CACNA1B: variants seen among roughly 807,000 people sequenced by gnomAD.
The protein encoded by CACNA1B is voltage-dependent N-type calcium channel subunit alpha-1B.
Under a neutral mutation model 247.2 loss-of-function variants are expected in CACNA1B, and 70 were observed. The ratio of observed to expected loss-of-function variants is 0.28; its 90% CI spans 0.23 to 0.35. The LOEUF (loss-of-function observed/expected upper bound fraction) is 0.35, where lower values mean the gene tolerates loss of function less well. Among genes scored for constraint, CACNA1B ranks in the 10% least tolerant of loss-of-function variants. CACNA1B has a pLI of 1.00. For synonymous variants in CACNA1B, 1,231 were observed against 1,294.4 expected, an observed-to-expected ratio of 0.95 and a Z score of 1.05; for missense variants, 2,367 against 3,197.4, an observed-to-expected ratio of 0.74 and a Z score of 6.26.
intron 38 of CACNA1B, among the ~76,000 whole-genome samples, chr9:138,104,456 C>T (rs1049628118): frequency 2.0e-5 from 3 of 152,242 alleles, no homozygotes; most frequent in African/African-American, 4.8e-5. Flanking sequence ...TGCAGGGATG[C>T]CATTCTCCGG....
Position 137,881,263 on chromosome 9 carries a change from C to T in CACNA1B, c.391-1481C>T, listed in dbSNP as rs1229793639. ...GCCAGGAAGAGCATGGGCGAGTCAGCACGGGTCATGATGGACCCTTGGGTG... is the reference window on the plus strand; with the variant it reads ...GCCAGGAAGAGCATGGGCGAGTCAGTACGGGTCATGATGGACCCTTGGGTG... On this transcript the variant is annotated intron_variant, in intron 2 of 46. Transcript: ENST00000371372. The surrounding 1 kb of genome is among the most constrained non-coding windows in gnomAD (Gnocchi z 4.3). Among the ~76,000 whole-genome samples the T allele has an allele frequency of 6.6e-6, 1 of 152,184 alleles. No homozygotes were observed. The highest frequency in any genetic ancestry group is 1.5e-5 in the Non-Finnish European group (1 of 68,020).
rs747129691 is a variant in CACNA1B, at chr9:138,043,866, T to C, written c.3379T>C (p.Tyr1127His). 2 of 1,613,878 alleles carry C rather than the reference T, an allele frequency of 1.2e-6. No individual in the cohort carries two copies. The highest frequency in any genetic ancestry group is 2.7e-5 in the African/African-American group (2 of 74,928). ...GAGCGGCCCCCGGCCTATCGTCCCA[T>C]ACAGCTCCATGTTCTGTTTAAGCCC... ...MRSGPRPIVP[Y>H]SSMFCLSPTN... The change falls in exon 21 of 47, where the codon TAC becomes CAC. Residue 1127 changes from tyrosine (Y) to histidine (H), a missense_variant. Coordinates refer to ENST00000371372, the MANE Select transcript of CACNA1B (RefSeq NM_000718.4).
At position 138,054,540 on chromosome 9, in the gene CACNA1B, C is replaced by T. The variant is rs957010269; in HGVS notation, c.3968+534C>T. The stretch of plus-strand genomic sequence containing the variant: ...AGTACCCACAGTGTCTTCCTGCCCA[C>T]GCGGCAGCGTCCCAGCTGCTTCTGT... On this transcript the variant is annotated intron_variant, in intron 26 of 46. Transcript: ENST00000371372. This position sits in a 1 kb window ranked among gnomAD's most constrained non-coding sequence, Gnocchi z 4.6. 2.6e-5 allele frequency among the ~76,000 whole-genome samples: 4 copies of T among 152,252 alleles called. No individual in the cohort carries two copies. The highest frequency in any genetic ancestry group is 2.1e-4 in the South Asian group (1 of 4,834).
chr9:137,989,201 T>C (rs1466872705), intron 15 of CACNA1B, among the ~76,000 whole-genome samples: 1 of 152,066 alleles, frequency 6.6e-6, no homozygotes, highest in Non-Finnish European at 1.5e-5. Context: ...CACAAAATTA[T>C]GAAAAAAGGC....
At chr9:138,066,511 A>G (rs1959922050) in intron 31 of CACNA1B, among the ~76,000 whole-genome samples, 1 of 152,130 alleles carries the variant, frequency 6.6e-6, no homozygotes, top group Non-Finnish European at 1.5e-5. Context: ...AAGGAGAGAG[A>G]CAAGTGCTGC....
chr9:137,899,357 C>A lies in CACNA1B; in HGVS notation c.531-13823C>A, dbSNP rs1174884659. On this transcript the variant is annotated intron_variant, in intron 3 of 46. Transcript: ENST00000371372. The surrounding 1 kb of genome is among the most constrained non-coding windows in gnomAD (Gnocchi z 5.0). ...ATCCACCTGTCTTGGCCTCCCAAAGCGCTGGGATTGGGATATGCTTTCTTA... is the reference window on the plus strand; with the variant it reads ...ATCCACCTGTCTTGGCCTCCCAAAGAGCTGGGATTGGGATATGCTTTCTTA... Among the ~76,000 whole-genome samples the A allele has an allele frequency of 6.6e-6, 1 of 151,986 alleles. No individual in the cohort carries two copies. The highest frequency in any genetic ancestry group is 1.9e-4 in the East Asian group (1 of 5,186).
chr9:138,071,023 GTGGTCTTGGATACAGGGGATGC>G (rs1960114528), intron 32 of CACNA1B, among the ~76,000 whole-genome samples: 1 of 152,260 alleles, frequency 6.6e-6, no homozygotes, highest in Non-Finnish European at 1.5e-5. Context: ...AGAGGCCGTG[GTGGTCTTGGATACAGGGGATGC>G]TGGTCTTGGT....
intron 39 of CACNA1B, among the ~76,000 whole-genome samples, chr9:138,109,679 C>T (rs962889423): frequency 3.3e-5 from 5 of 152,202 alleles, no homozygotes; most frequent in African/African-American, 1.2e-4. Flanking sequence ...GAGTTGGGGA[C>T]AGCTTGATCC....
At chr9:137,976,090 G>A (rs1264868902) in intron 12 of CACNA1B, 71 bp downstream of exon 12, 1 of 930,888 alleles carries the variant, frequency 1.1e-6, no homozygotes, top group Non-Finnish European at 1.7e-6. Context: ...CCCTCCCATA[G>A]GCCATGCCCA....
At chr9:137,933,117 A>G (rs893358050) in intron 6 of CACNA1B, among the ~76,000 whole-genome samples, 1 of 152,078 alleles carries the variant, frequency 6.6e-6, no homozygotes, top group South Asian at 2.1e-4. Flanking sequence ...TATTTTTAGT[A>G]GAAATGGGGT....
chr9:138,068,510 T>A (rs1167638193), intron 31 of CACNA1B: 1 of 481,778 alleles, frequency 2.1e-6, no homozygotes, highest in Non-Finnish European at 4.1e-6. Flanking sequence ...AGTGGCTGCC[T>A]CCTCCCTGTG....
At chr9:138,005,819 G>A (rs566501617) in intron 15 of CACNA1B, among the ~76,000 whole-genome samples, 15 of 152,242 alleles carry the variant, frequency 9.9e-5, no homozygotes, top group East Asian at 7.7e-4. Flanking sequence ...CGAGGTGGGC[G>A]GATCACGAGG....
chr9:138,110,086 A>C (rs73575896), intron 39 of CACNA1B, among the ~76,000 whole-genome samples: 31,126 of 150,558 alleles, frequency 0.21, 3,478 homozygotes, highest in East Asian at 0.47. Flanking sequence ...GAACTACAGC[A>C]AAACTTTTGC....
chr9:138,121,762 G>A lies in CACNA1B; in HGVS notation c.6783G>A (p.Gly2261=). 6.2e-7 allele frequency: 1 copy of A among 1,613,218 alleles called. No homozygotes were observed. Residue 2261 remains glycine, a synonymous_variant, in exon 47 of 47, where the codon GGG becomes GGA. Coordinates refer to ENST00000371372, the MANE Select transcript of CACNA1B (RefSeq NM_000718.4). The surrounding 1 kb of genome is among the most constrained non-coding windows in gnomAD (Gnocchi z 6.8). The part of the protein sequence containing the change: ...GSRIGSDPYL[G]QRLDSEASVH... ...GAATTGGCTCTGACCCTTACCTGGGGCAGCGTCTGGACAGTGAGGCCTCTG... is the reference window on the plus strand; with the variant it reads ...GAATTGGCTCTGACCCTTACCTGGGACAGCGTCTGGACAGTGAGGCCTCTG...
Position 138,047,021 on chromosome 9 carries a change from G to A in CACNA1B, c.3531G>A (p.Ser1177=), listed in dbSNP as rs574443980. The A allele has an allele frequency of 9.3e-6, 15 of 1,610,756 alleles. No homozygotes were observed. The highest frequency in any genetic ancestry group is 1.7e-4 in the Middle Eastern group (1 of 6,042). Residue 1177 remains serine, a synonymous_variant, in exon 22 of 47, where the codon TCG becomes TCA. Coordinates refer to ENST00000371372, the MANE Select transcript of CACNA1B (RefSeq NM_000718.4). ...LAAEDPVRTD[S]PRNNALKYLD... ...CTGAGGACCCAGTGCGCACAGACTCGCCCAGGAACAACGTGAGTGGCCCGG... is the reference window on the plus strand; with the variant it reads ...CTGAGGACCCAGTGCGCACAGACTCACCCAGGAACAACGTGAGTGGCCCGG...
At chr9:138,013,528 C>T (rs762633733) in intron 18 of CACNA1B, among the ~76,000 whole-genome samples, 5 of 152,186 alleles carry the variant, frequency 3.3e-5, no homozygotes, top group Non-Finnish European at 7.3e-5. Context: ...CAGGCCCCTC[C>T]CCAGGCAACT....
chr9:138,078,505 T>C (rs565585403), intron 36 of CACNA1B, among the ~76,000 whole-genome samples: 1 of 152,364 alleles, frequency 6.6e-6, no homozygotes, highest in South Asian at 2.1e-4. Flanking sequence ...CAGGGGCAAC[T>C]GTTCCTTAAC....
At chr9:138,115,524 CT>C in intron 41 of CACNA1B, 27 bp from the exon 42 acceptor site, 2 of 1,606,570 alleles carry the variant, frequency 1.2e-6, no homozygotes, top group Non-Finnish European at 1.7e-6. Flanking sequence ...CATTGGAGCT[CT>C]TTCCCTTCCC....
chr9:138,077,631 C>T (rs1395990423), intron 35 of CACNA1B, among the ~76,000 whole-genome samples: 1 of 152,072 alleles, frequency 6.6e-6, no homozygotes, highest in Non-Finnish European at 1.5e-5. Context: ...CAGGGCAGGT[C>T]ATGGTCGCTT....
Sources: allele counts gnomAD v4.1 joint callset (sites outside exome capture counted in the v4.1 genomes callset), GRCh38; gene constraint gnomAD v4.1.1; non-coding constraint Gnocchi (gnomAD v3.1); transcripts MANE v1.5; gene names NCBI Gene and HGNC (gene_info 2026-07-23, HGNC 2026-07-21).